Variants in SOS1 observed in about 807,000 individuals in gnomAD.
SOS1 encodes son of sevenless homolog 1.
Under a neutral mutation model 157.6 loss-of-function variants are expected in SOS1, and 25 were observed. The observed-to-expected ratio is 0.16, with a 90% CI of 0.12 to 0.22. The LOEUF is 0.22. SOS1 is among the 10% of genes least tolerant of loss of function. The pLI, the probability that SOS1 is intolerant of heterozygous loss-of-function variation, is 1.00. For synonymous variants in SOS1, 528 were observed against 534.0 expected (o/e 0.99, Z 0.16); for missense variants, 1,237 against 1,599.1 (o/e 0.77, Z 3.86).
rs539933930 is a variant in SOS1, at chr2:38,983,250, T to G, written c.*2574A>C. Reference sequence around the variant, plus strand: ...ATTTCTGGTCCCTGATTAAATAGATTTTCATTACTACAAGGATAAATTTGT... The same window carrying G: ...ATTTCTGGTCCCTGATTAAATAGATGTTCATTACTACAAGGATAAATTTGT... On this transcript the variant is annotated 3_prime_UTR_variant, in exon 23 of 23. Coordinates refer to ENST00000402219, the MANE Select transcript of SOS1 (RefSeq NM_005633.4). The G allele has an allele frequency of 6.6e-6, 1 of 152,134 alleles. No individual in the cohort carries two copies. The highest frequency in any genetic ancestry group is 1.5e-5 in the Non-Finnish European group (1 of 68,000). 9.4% of individuals were successfully genotyped at this position (152,134 alleles called of 1,614,324 possible). A position where few individuals can be genotyped will look rare whatever the true frequency, so the allele number is the denominator to read the frequency against.
Position 39,120,389 on chromosome 2 carries a change from T to A in SOS1, c.34A>T (p.Ser12Cys), listed in dbSNP as rs751776207. 8 of 1,601,040 alleles carry A rather than the reference T, an allele frequency of 5.0e-6. No individual in the cohort carries two copies. Among genetic ancestry groups the A allele is most frequent in the Non-Finnish European group, 6.8e-6 (8 of 1,174,996 alleles). ...CGCCACTTGGGCGCGTTCTCTTCGC[T>A]GAAAAACTCGTAGGGCAGCTGCTGC... ...QAQQLPYEFFSEENAPKWRGL... is the reference protein window; with the variant it reads ...QAQQLPYEFFCEENAPKWRGL... The change falls in exon 1 of 23, where the codon AGC becomes TGC. Residue 12 changes from serine to cysteine, a missense_variant. By Grantham distance (112) the Ser-to-Cys change is moderately radical. Around this residue, in one of 15 missense-constraint regions of SOS1, gnomAD observed 99 missense variants for 81.6 expected, o/e 1.21. Transcript: ENST00000402219.
intron 15 of SOS1, among the ~76,000 whole-genome samples, chr2:39,008,073 A>G (rs1669337845): frequency 6.6e-6 from 1 of 152,206 alleles, no homozygotes; most frequent in African/African-American, 2.4e-5. Context: ...CAGGAGCAGG[A>G]CTTCAGTTTT....
intron 6 of SOS1, among the ~76,000 whole-genome samples, chr2:39,047,825 G>A (rs1009178195): frequency 1.7e-3 from 37 of 22,224 alleles, no homozygotes; most frequent in African/African-American, 0.013. Flanking sequence ...GCACCACTAT[G>A]CCCACCCTAA....
rs889848822 is a variant in SOS1 at position 38,981,676 on chromosome 2, AC to A, written c.*4147del. 1.3e-5 allele frequency: 2 copies of A among 152,146 alleles called. No individual in the cohort carries two copies. The highest frequency in any genetic ancestry group is 4.8e-5 in the African/African-American group (2 of 41,444). The allele number at this position is 152,146 out of a possible 1,614,324, so 9.4% of individuals were successfully genotyped here. ...CTGCTGCACACAGAGTACAAAGATT[AC>A]CTATGAACATGGTTAGGTACAAAGG... On this transcript the variant is annotated 3_prime_UTR_variant, in exon 23 of 23. Coordinates refer to ENST00000402219, the MANE Select transcript of SOS1 (RefSeq NM_005633.4).
chr2:39,037,918 GA>G (rs879625440), intron 6 of SOS1, among the ~76,000 whole-genome samples: 3,660 of 146,944 alleles, frequency 0.025, 183 homozygotes, highest in African/African-American at 0.086. Flanking sequence ...CAACAGCTCA[GA>G]AAAAAAAAAA....
At chr2:39,120,096 A>C (rs1673809080) in intron 1 of SOS1, among the ~76,000 whole-genome samples, 1 of 152,104 alleles carries the variant, frequency 6.6e-6, no homozygotes, top group Non-Finnish European at 1.5e-5. Flanking sequence ...TTCACCTCTC[A>C]GGGGTTGGAT....
chr2:39,110,560 A>G (rs1046071307), intron 1 of SOS1, among the ~76,000 whole-genome samples: 2 of 152,228 alleles, frequency 1.3e-5, no homozygotes, highest in Non-Finnish European at 2.9e-5. Context: ...AAAAAAAAAA[A>G]AAAGAAGAGG....
At chr2:38,993,018 T>G (rs1668779507) in intron 20 of SOS1, 1 of 151,900 alleles carries the variant, frequency 6.6e-6, no homozygotes, top group Non-Finnish European at 1.5e-5. Context: ...GGAGGTTTGT[T>G]TGAGGCCAGA....
chr2:39,042,164 T>C (rs1670593870), intron 6 of SOS1, among the ~76,000 whole-genome samples: 1 of 152,206 alleles, frequency 6.6e-6, no homozygotes, highest in Admixed American at 6.5e-5. Flanking sequence ...ACAGGTACTT[T>C]ACCTAACAAG....
chr2:39,021,563 T>C (rs1669799330), intron 10 of SOS1, among the ~76,000 whole-genome samples: 2 of 149,596 alleles, frequency 1.3e-5, no homozygotes, highest in South Asian at 4.2e-4. Context: ...ACTTCTTTCT[T>C]ACAAACACAG....
chr2:39,058,401 C>A (rs1671288546), intron 3 of SOS1, among the ~76,000 whole-genome samples: 1 of 24,094 alleles, frequency 4.2e-5, no homozygotes, highest in South Asian at 6.5e-4. Context: ...GTCCTAATTA[C>A]ATCTGAGATA....
rs182685443 is a variant in SOS1, at chr2:39,058,342, C to G, written c.345+331G>C. Among the ~76,000 whole-genome samples, 248 of 152,106 alleles carry G rather than the reference C, an allele frequency of 1.6e-3. 2 individuals carry two copies. Among genetic ancestry groups the G allele is most frequent in the African/African-American group, 5.4e-3 (226 of 41,538 alleles). ...AACATCAAAAGGATTTATAGGAACA[C>G]TTAGGTCTAACCAACAAGAAAGGAG... On this transcript the variant is annotated intron_variant, in intron 3 of 22. Coordinates refer to ENST00000402219, the MANE Select transcript of SOS1 (RefSeq NM_005633.4).
At chr2:39,122,374 G>A (rs1188041198), upstream of SOS1, among the ~76,000 whole-genome samples, 2 of 151,940 alleles carry the variant, frequency 1.3e-5, no homozygotes, top group Admixed American at 1.3e-4. Flanking sequence ...AGGTTGCAGT[G>A]AGCCGGGATC....
upstream of SOS1, among the ~76,000 whole-genome samples, chr2:39,123,316 C>G (rs1377684474): frequency 6.6e-6 from 1 of 151,926 alleles, no homozygotes; most frequent in Non-Finnish European, 1.5e-5. Flanking sequence ...CTCCTGCCCC[C>G]AAATAAAATG....
At position 38,984,433 on chromosome 2, in the gene SOS1, G is replaced by A. The variant is rs1033636331; in HGVS notation, c.*1391C>T. The A allele has an allele frequency of 2.0e-5, 3 of 152,146 alleles. No individual in the cohort carries two copies. The highest frequency in any genetic ancestry group is 3.8e-4 in the East Asian group (2 of 5,196). The allele number at this position is 152,146 out of a possible 1,614,324, so 9.4% of individuals were successfully genotyped here. On this transcript the variant is annotated 3_prime_UTR_variant, in exon 23 of 23. Transcript: ENST00000402219. ...GTTTTGATAAAGCAGAAAACCTCAA[G>A]CAAGGTAGAATGTTCAATATAAACC... is the stretch of plus-strand genomic sequence containing the variant.
Position 39,090,163 on chromosome 2 carries a change from T to G in SOS1, c.88-22410A>C, listed in dbSNP as rs547725210. Among the ~76,000 whole-genome samples, 121 of 150,192 alleles carry G rather than the reference T, an allele frequency of 8.1e-4. 1 individual carries two copies. The Middle Eastern group carries it at 0.01, about 13-fold the overall frequency. Reference sequence around the variant, plus strand: ...TCAAAAAAAAAAAAAAAAAACACTCTGTGCATAAACACTAAATGCAGACTA... The same window carrying G: ...TCAAAAAAAAAAAAAAAAAACACTCGGTGCATAAACACTAAATGCAGACTA... On this transcript the variant is annotated intron_variant, in intron 1 of 22. Coordinates refer to ENST00000402219, the MANE Select transcript of SOS1 (RefSeq NM_005633.4).
chr2:39,062,234 A>G (rs1671429605), intron 2 of SOS1, among the ~76,000 whole-genome samples: 1 of 151,856 alleles, frequency 6.6e-6, no homozygotes, highest in African/African-American at 2.4e-5. Context: ...CCTGGCCAAT[A>G]CAGTAAAACC....
intron 1 of SOS1, among the ~76,000 whole-genome samples, chr2:39,079,225 AATAAC>A (rs2148165390): frequency 4.9e-4 from 2 of 4,110 alleles, no homozygotes; most frequent in East Asian, 5.6e-3. Flanking sequence ...AAAGTTACAC[AATAAC>A]ATAAATGAAA....
chr2:39,056,688 G>A lies in SOS1; in HGVS notation c.510+14C>T. On this transcript the variant is annotated intron_variant, in intron 4 of 22. Transcript: ENST00000402219. ...AGAAACTTAAGAAAAAAATAGAAAAGCTCAGTTTCCTACCTTGTCAGCACA... is the reference window on the plus strand; with the variant it reads ...AGAAACTTAAGAAAAAAATAGAAAAACTCAGTTTCCTACCTTGTCAGCACA... The A allele has an allele frequency of 6.4e-7, 1 of 1,561,586 alleles. No homozygotes were observed. Among genetic ancestry groups the A allele is most frequent in the Non-Finnish European group, 8.8e-7 (1 of 1,132,678 alleles).
Sources: allele counts gnomAD v4.1 joint callset (sites outside exome capture counted in the v4.1 genomes callset), GRCh38; gene constraint gnomAD v4.1.1; regional missense constraint gnomAD v4.1.1; transcripts MANE v1.5; gene names NCBI Gene and HGNC (gene_info 2026-07-23, HGNC 2026-07-21).